The following ISG20L2 variants were observed in gnomAD, a reference collection of about 807,000 sequenced individuals.
ISG20L2 encodes the protein interferon stimulated exonuclease gene 20 like 2, also known as interferon-stimulated 20 kDa exonuclease-like 2.
A neutral mutation model predicts 27.8 loss-of-function variants in ISG20L2; 14 were observed. The ratio of observed to expected loss-of-function variants is 0.50; its 90% CI spans 0.33 to 0.79. ISG20L2 has a LOEUF of 0.79. Ranked by LOEUF, ISG20L2 falls within the 30% of genes least tolerant of loss-of-function variation. ISG20L2 has a pLI of 0.02. For synonymous variants in ISG20L2, 157 were observed against 165.7 expected (o/e 0.95, Z 0.40); for missense variants, 393 against 435.1 (o/e 0.90, Z 0.86).
rs1464827731 is a variant in ISG20L2 at position 156,727,344 on chromosome 1, AGGGG to A, written c.305_308del (p.Thr102MetfsTer14). On this transcript the variant is annotated frameshift_variant, in exon 2 of 4. Transcript: ENST00000368219. LOFTEE classifies it high-confidence loss of function. ...CAGAATCAGCCTTTTTTGAAGGGGC[AGGGG>A]TCAACCAAGACACTGCAGCTTTCTT... 1 of 1,614,060 alleles carries A rather than the reference AGGGG, an allele frequency of 6.2e-7. No homozygotes were observed. Among genetic ancestry groups the A allele is most frequent in the Non-Finnish European group, 8.5e-7 (1 of 1,180,030 alleles).
intron 2 of ISG20L2, chr1:156,726,051 G>A (rs1005249448): frequency 1.0e-6 from 1 of 985,344 alleles, no homozygotes; most frequent in Non-Finnish European, 1.2e-6. Context: ...TCTCCTTTCC[G>A]TTCATGCCTT....
intron 1 of ISG20L2, chr1:156,728,064 CTCTGAG>C: frequency 9.9e-7 from 1 of 1,005,106 alleles, no homozygotes; most frequent in Non-Finnish European, 1.2e-6. Context: ...AGCTCGAACC[CTCTGAG>C]TCTAAGAGGC....
chr1:156,725,954 TGGACCAA>T, intron 2 of ISG20L2: 1 of 985,532 alleles, frequency 1.0e-6, no homozygotes, highest in Non-Finnish European at 1.2e-6. Context: ...TGCAAAGACG[TGGACCAA>T]GGGCGCCCTC....
chr1:156,727,283 T>G lies in ISG20L2; in HGVS notation c.370A>C (p.Ser124Arg). The change falls in exon 2 of 4, where the codon AGT (serine) becomes CGT (arginine). Residue 124 changes from serine to arginine, a missense_variant. This residue lies in a region of ISG20L2 where 183 missense variants were observed against 168.2 expected (regional missense o/e 1.09). Coordinates refer to ENST00000368219, the MANE Select transcript of ISG20L2 (RefSeq NM_001370150.2). ...AKVDLLGEFQ[S>R]ALPKINSHPT... The stretch of plus-strand genomic sequence containing the variant: ...TGGCTATTGATCTTTGGAAGGGCAC[T>G]CTGGAACTCCCCCAGCAAATCTACT... 6.2e-7 allele frequency: 1 copy of G among 1,614,196 alleles called. No individual in the cohort carries two copies. Among genetic ancestry groups the G allele is most frequent in the Non-Finnish European group, 8.5e-7 (1 of 1,180,034 alleles).
intron 2 of ISG20L2, chr1:156,724,950 G>C (rs1648686681): frequency 6.6e-6 from 1 of 152,180 alleles, no homozygotes; most frequent in African/African-American, 2.4e-5. Flanking sequence ...CAATATTTCA[G>C]GAAACTGTTT....
At position 156,727,715 on chromosome 1, in the gene ISG20L2, G is replaced by A; in HGVS notation, c.-63C>T. 1.3e-6 allele frequency: 2 copies of A among 1,553,862 alleles called. No homozygotes were observed. The highest frequency in any genetic ancestry group is 1.7e-6 in the Non-Finnish European group (2 of 1,157,706). Reference sequence around the variant, plus strand: ...GGCTTATGGATGAAAAGAGGATGTGGGACTCATTCTCTGCTGAATCCTACT... The same window carrying A: ...GGCTTATGGATGAAAAGAGGATGTGAGACTCATTCTCTGCTGAATCCTACT... On this transcript the variant is annotated 5_prime_UTR_variant, in exon 2 of 4. Coordinates refer to ENST00000368219, the MANE Select transcript of ISG20L2 (RefSeq NM_001370150.2).
Position 156,728,555 on chromosome 1 carries a change from C to G in ISG20L2, c.-258G>C. On this transcript the variant is annotated 5_prime_UTR_variant, in exon 1 of 4. Transcript: ENST00000368219. ...GCGCGCACACCCGCACCGCCCCGAC[C>G]CCAGGTAGTGAGGCCAGTGATTCCG... 1 of 985,738 alleles carries G rather than the reference C, an allele frequency of 1.0e-6. No individual in the cohort carries two copies. The highest frequency in any genetic ancestry group is 1.2e-6 in the Non-Finnish European group (1 of 829,936). The allele number at this position is 985,738 out of a possible 1,614,324, so 61.1% of individuals were successfully genotyped here.
rs1648951362 is a variant in ISG20L2 at position 156,728,742 on chromosome 1, C to CA, written c.-446dup. On this transcript the variant is annotated 5_prime_UTR_variant, in exon 1 of 4. Coordinates refer to ENST00000368219, the MANE Select transcript of ISG20L2 (RefSeq NM_001370150.2). ...GCAGCCCGCCGGACACCTCCGGCTT[C>CA]ACTTCCGTAAGAGGAGAGGAGTGTA... 7 of 1,010,160 alleles carry CA rather than the reference C, an allele frequency of 6.9e-6. No homozygotes were observed. In the South Asian group the frequency reaches 3.0e-4, roughly 43 times the overall value. The allele number at this position is 1,010,160 out of a possible 1,614,324, so 62.6% of individuals were successfully genotyped here.
At position 156,726,922 on chromosome 1, in the gene ISG20L2, T is replaced by C. The variant is rs781633006; in HGVS notation, c.731A>G (p.Lys244Arg). ...GCTTCTTACCTGGCCTCGAGCAATC[T>C]TGAAGGGTGTGGCATTCACCATGTG... ...KQHMVNATPF[K>R]IARGQILKIL... The change falls in exon 2 of 4, where the codon AAG becomes AGG. Residue 244 changes from lysine (K) to arginine (R), a missense_variant. By Grantham distance (26) the Lys-to-Arg change is conservative. Around this residue, in one of 3 missense-constraint regions of ISG20L2, gnomAD observed 171 missense variants for 195.3 expected, o/e 0.88. Coordinates refer to ENST00000368219, the MANE Select transcript of ISG20L2 (RefSeq NM_001370150.2). 6.2e-7 allele frequency: 1 copy of C among 1,613,834 alleles called. No individual in the cohort carries two copies. Among genetic ancestry groups the C allele is most frequent in the Non-Finnish European group, 8.5e-7 (1 of 1,179,774 alleles).
intron 2 of ISG20L2, chr1:156,726,487 G>C: frequency 1.1e-6 from 1 of 895,298 alleles, no homozygotes; most frequent in African/African-American, 1.8e-5. Context: ...CAGTGGCAGT[G>C]GTGTGATCTC....
In ISG20L2 at chr1:156,728,440, G is replaced by A. The variant is rs1249599698; in HGVS notation, c.-143C>T. On this transcript the variant is annotated 5_prime_UTR_variant, in exon 1 of 4. Transcript: ENST00000368219. The stretch of plus-strand genomic sequence containing the variant: ...CTCCCAGACGGGTCCAGCTAAGACC[G>A]GAAGCGTCCGGAGCCGGATGCGGAA... The A allele has an allele frequency of 2.0e-6, 2 of 985,592 alleles. No homozygotes were observed. Among genetic ancestry groups the A allele is most frequent in the African/African-American group, 1.7e-5 (1 of 57,232 alleles). The allele number at this position is 985,592 out of a possible 1,614,324, so 61.1% of individuals were successfully genotyped here. A position where few individuals can be genotyped will look rare whatever the true frequency, so the allele number is the denominator to read the frequency against.
At position 156,727,745 on chromosome 1, in the gene ISG20L2, A is replaced by T. The variant is rs1463225453; in HGVS notation, c.-93T>A. On this transcript the variant is annotated 5_prime_UTR_variant, in exon 2 of 4. The change creates a premature stop within an existing upstream ORF in the 5' untranslated region. Transcript: ENST00000368219. ...CATTCTCTGCTGAATCCTACTGTCC[A>T]ACATGTGGAGGTCTGTAGTACACCC... The T allele has an allele frequency of 6.6e-6, 10 of 1,522,768 alleles. No individual in the cohort carries two copies. The highest frequency in any genetic ancestry group is 8.7e-6 in the Non-Finnish European group (10 of 1,145,178). 94.3% of individuals were successfully genotyped at this position (1,522,768 alleles called of 1,614,324 possible). A position where few individuals can be genotyped will look rare whatever the true frequency, so the allele number is the denominator to read the frequency against.
In ISG20L2 at chr1:156,721,946, G is replaced by C. The variant is rs1452529366; in HGVS notation, c.*1403C>G. The C allele has an allele frequency of 6.6e-6, 1 of 152,050 alleles. No homozygotes were observed. The allele number at this position is 152,050 out of a possible 1,614,324, so 9.4% of individuals were successfully genotyped here. On this transcript the variant is annotated 3_prime_UTR_variant, in exon 4 of 4. Transcript: ENST00000368219. Reference sequence around the variant, plus strand: ...GAATAATTTGAGTTTTTAGAGGCTTGGTTTAGCAAGGTAAAAAAGACAACC... The same window carrying C: ...GAATAATTTGAGTTTTTAGAGGCTTCGTTTAGCAAGGTAAAAAAGACAACC...
chr1:156,723,139 G>C lies in ISG20L2; in HGVS notation c.*210C>G. 1.6e-6 allele frequency: 1 copy of C among 610,068 alleles called. No individual in the cohort carries two copies. Among genetic ancestry groups the C allele is most frequent in the Non-Finnish European group, 2.8e-6 (1 of 351,610 alleles). 37.8% of individuals were successfully genotyped at this position (610,068 alleles called of 1,614,324 possible). On this transcript the variant is annotated 3_prime_UTR_variant, in exon 4 of 4. Transcript: ENST00000368219. Reference sequence around the variant, plus strand: ...GTATAGGGTTGGGTTCTGACGTGAAGGCTTTCCCCTTCCATGGGACACTTA... The same window carrying C: ...GTATAGGGTTGGGTTCTGACGTGAACGCTTTCCCCTTCCATGGGACACTTA...
rs200191467 is a variant in ISG20L2, at chr1:156,723,335, C to T, written c.*14G>A. On this transcript the variant is annotated 3_prime_UTR_variant, in exon 4 of 4. Coordinates refer to ENST00000368219, the MANE Select transcript of ISG20L2 (RefSeq NM_001370150.2). The stretch of plus-strand genomic sequence containing the variant: ...TGCCTCTGCCTCCTCATATCACCAG[C>T]GTCCCCACTGCCACTAGTCTGTAGG... 1.3e-4 allele frequency: 203 copies of T among 1,613,904 alleles called. No homozygotes were observed. The highest frequency in any genetic ancestry group is 2.1e-4 in the African/African-American group (16 of 75,030).
rs1558012734 is a variant in ISG20L2 at position 156,724,227 on chromosome 1, T to C, written c.869A>G (p.Asn290Ser). 1.3e-6 allele frequency: 2 copies of C among 1,584,688 alleles called. No individual in the cohort carries two copies. Among genetic ancestry groups the C allele is most frequent in the East Asian group, 2.4e-5 (1 of 41,326 alleles). Reference sequence around the variant, plus strand: ...ATTCTCCGGGCAGTCAGCCTTCCGGTTGAGGGGGGGGATATGGGAGGTGTC... The same window carrying C: ...ATTCTCCGGGCAGTCAGCCTTCCGGCTGAGGGGGGGGATATGGGAGGTGTC... The part of the protein sequence containing the change: ...TRDTSHIPPL[N>S]RKADCPENAT... Residue 290 changes from asparagine to serine, a missense_variant, in exon 3 of 4, where the codon AAC becomes AGC. Asn to Ser is a conservative substitution (Grantham distance 46). Transcript: ENST00000368219.
At chr1:156,724,459 CT>C in intron 2 of ISG20L2, 111 bp from the exon 3 acceptor site, 1 of 1,388,058 alleles carries the variant, frequency 7.2e-7, no homozygotes, top group Non-Finnish European at 9.6e-7. Context: ...CACCAACTGC[CT>C]ACCTCTCCAT....
intron 2 of ISG20L2, 188 bp from the exon 3 acceptor site, chr1:156,724,536 T>C: frequency 7.1e-7 from 1 of 1,407,550 alleles, no homozygotes; most frequent in South Asian, 1.6e-5. Context: ...CCACAGGTGA[T>C]TTCCATGGTA....
At position 156,727,245 on chromosome 1, in the gene ISG20L2, A is replaced by C; in HGVS notation, c.408T>G (p.Ser136=). 6.2e-7 allele frequency: 1 copy of C among 1,614,030 alleles called. No individual in the cohort carries two copies. Among genetic ancestry groups the C allele is most frequent in the Non-Finnish European group, 8.5e-7 (1 of 1,180,012 alleles). ...ATTTCTTCTGGGAGCTCTTCTTCTG[A>C]GAGCGGGTTGGGTGGCTATTGATCT... ...LPKINSHPTR[S]QKKSSQKKSS... is the part of the protein sequence containing the mutation. Residue 136 remains serine, a synonymous_variant, in exon 2 of 4, where the codon TCT becomes TCG. Coordinates refer to ENST00000368219, the MANE Select transcript of ISG20L2 (RefSeq NM_001370150.2).
Sources: allele counts gnomAD v4.1 joint callset, GRCh38; gene constraint gnomAD v4.1.1; regional missense constraint gnomAD v4.1.1; transcripts MANE v1.5; gene names NCBI Gene and HGNC (gene_info 2026-07-23, HGNC 2026-07-21).